The following STARD9 variants were observed in gnomAD, a reference collection of about 807,000 sequenced individuals.
STARD9 encodes stAR-related lipid transfer protein 9.
Under a neutral mutation model 399.8 loss-of-function variants are expected in STARD9, and 346 were observed. The ratio of observed to expected loss-of-function variants is 0.87; its 90% confidence interval spans 0.79 to 0.95. The LOEUF is 0.95. STARD9 is among the 40% of genes least tolerant of loss of function. STARD9 has a pLI of 0.00. For synonymous variants in STARD9, 2,203 were observed against 2,143.5 expected (o/e 1.03, Z -0.77); for missense variants, 5,832 against 5,667.5 (o/e 1.03, Z -0.93).
At chr15:42,640,298 A>G (rs1333072479) in intron 7 of STARD9, among the ~76,000 whole-genome samples, 1 of 152,204 alleles carries the variant, frequency 6.6e-6, no homozygotes, top group African/African-American at 2.4e-5. Flanking sequence ...GGGCATGGCA[A>G]ATGGATGACG....
rs372050123 is a variant in STARD9, at chr15:42,681,464, G to A, written c.1917G>A (p.Pro639=). ...EEQCDEDHQT[P]RDGETSHRAQ... is the part of the protein sequence containing the mutation. The stretch of plus-strand genomic sequence containing the variant: ...AATGTGACGAGGACCATCAGACACC[G>A]AGGGATGGAGAGACATCCCACAGGG... Residue 639 remains proline, a synonymous_variant, in exon 21 of 33, where the codon CCG becomes CCA. Coordinates refer to ENST00000290607, the MANE Select transcript of STARD9 (RefSeq NM_020759.3). 102 of 1,537,162 alleles carry A rather than the reference G, an allele frequency of 6.6e-5. No individual in the cohort carries two copies. Among genetic ancestry groups the A allele is most frequent in the Non-Finnish European group, 7.9e-5 (91 of 1,146,866 alleles).
intron 3 of STARD9, among the ~76,000 whole-genome samples, chr15:42,634,116 C>T (rs1156649413): frequency 1.3e-5 from 2 of 152,132 alleles, no homozygotes; most frequent in African/African-American, 4.8e-5. Flanking sequence ...TAAATATCCG[C>T]TGTACCAGCT....
At chr15:42,597,914 G>T (rs1006174513) in intron 3 of STARD9, among the ~76,000 whole-genome samples, 5 of 151,342 alleles carry the variant, frequency 3.3e-5, no homozygotes, top group Non-Finnish European at 5.9e-5. Context: ...CAGGTGATCT[G>T]CCTGCCTCAG....
chr15:42,632,522 G>T (rs891485006), intron 3 of STARD9, among the ~76,000 whole-genome samples: 1 of 151,834 alleles, frequency 6.6e-6, no homozygotes, highest in African/African-American at 2.4e-5. Flanking sequence ...TTTTCTTCCT[G>T]TCTTCCTGTT....
rs1332676502 is a variant in STARD9, at chr15:42,686,135, C to T, written c.4557C>T (p.Ser1519=). Reference sequence around the variant, plus strand: ...CCTACCTTGAGGAAGACTCTGGTTCCCTGGCCCAAGCTTCTAGCAAAGGAG... The same window carrying T: ...CCTACCTTGAGGAAGACTCTGGTTCTCTGGCCCAAGCTTCTAGCAAAGGAG... The part of the protein sequence containing the change: ...AYPYLEEDSG[S]LAQASSKGGD... The change falls in exon 23 of 33, where the codon TCC becomes TCT. Residue 1519 remains serine, a synonymous_variant. Coordinates refer to ENST00000290607, the MANE Select transcript of STARD9 (RefSeq NM_020759.3). 6.5e-7 allele frequency: 1 copy of T among 1,537,244 alleles called. No individual in the cohort carries two copies. The highest frequency in any genetic ancestry group is 1.2e-5 in the South Asian group (1 of 84,058).
chr15:42,698,695 A>G (rs998462698), intron 26 of STARD9, among the ~76,000 whole-genome samples: 1 of 152,232 alleles, frequency 6.6e-6, no homozygotes, highest in African/African-American at 2.4e-5. Context: ...TAATAACTAG[A>G]AACACATTCT....
At chr15:42,668,196 A>G (rs1302661417) in intron 15 of STARD9, among the ~76,000 whole-genome samples, 2 of 152,176 alleles carry the variant, frequency 1.3e-5, no homozygotes, top group East Asian at 1.9e-4. Flanking sequence ...CCACTCACCA[A>G]TGCCAGGGGT....
At chr15:42,612,986 A>AG (rs1381750670) in intron 3 of STARD9, among the ~76,000 whole-genome samples, 65 of 76,542 alleles carry the variant, frequency 8.5e-4, no homozygotes, top group Middle Eastern at 6.1e-3. Flanking sequence ...TATGTCTCAG[A>AG]GGGGAAAAAA....
Position 42,686,534 on chromosome 15 carries a change from G to T in STARD9, c.4956G>T (p.Lys1652Asn). Residue 1652 changes from lysine (K) to asparagine (N), a missense_variant, in exon 23 of 33, where the codon AAG (lysine) becomes AAT (asparagine). Lys to Asn is a moderately conservative substitution (Grantham distance 94). This residue lies in a region of STARD9 where 5,828 missense variants were observed against 5,651.1 expected (regional missense o/e 1.03). Coordinates refer to ENST00000290607, the MANE Select transcript of STARD9 (RefSeq NM_020759.3). The part of the protein sequence containing the change: ...MTSSDEDFFQ[K>N]NACHSNVTTA... ...CCTCTGATGAGGATTTTTTCCAGAAGAACGCTTGTCACAGTAATGTCACTA... is the reference window on the plus strand; with the variant it reads ...CCTCTGATGAGGATTTTTTCCAGAATAACGCTTGTCACAGTAATGTCACTA... The T allele has an allele frequency of 6.5e-7, 1 of 1,537,620 alleles. No homozygotes were observed. The highest frequency in any genetic ancestry group is 8.7e-7 in the Non-Finnish European group (1 of 1,147,040).
intron 3 of STARD9, among the ~76,000 whole-genome samples, chr15:42,611,715 C>T (rs2058853599): frequency 6.6e-6 from 1 of 152,070 alleles, no homozygotes; most frequent in African/African-American, 2.4e-5. Context: ...TTAAACTTGC[C>T]ATTGTATTAG....
chr15:42,712,368 T>C (rs956028184), intron 26 of STARD9, among the ~76,000 whole-genome samples: 3 of 151,228 alleles, frequency 2.0e-5, no homozygotes, highest in Non-Finnish European at 2.9e-5. Context: ...GTGCTTTGGT[T>C]TCATATCTAA....
At chr15:42,698,968 T>C (rs2060902294) in intron 26 of STARD9, among the ~76,000 whole-genome samples, 1 of 152,132 alleles carries the variant, frequency 6.6e-6, no homozygotes, top group Non-Finnish European at 1.5e-5. Context: ...AGTCCACCAC[T>C]ACCCTCATTG....
intron 3 of STARD9, among the ~76,000 whole-genome samples, chr15:42,601,634 C>T (rs1254274327): frequency 2.0e-5 from 3 of 151,782 alleles, no homozygotes; most frequent in Non-Finnish European, 2.9e-5. Flanking sequence ...CCCCACTTCC[C>T]GGATATATCT....
intron 20 of STARD9, among the ~76,000 whole-genome samples, chr15:42,676,688 T>C (rs2060318063): frequency 6.6e-6 from 1 of 152,310 alleles, no homozygotes; most frequent in South Asian, 2.1e-4. Flanking sequence ...GATTTGGTAC[T>C]GGGAGTCCTT....
chr15:42,686,836 G>C lies in STARD9; in HGVS notation c.5258G>C (p.Arg1753Thr), dbSNP rs1347918334. 3 of 1,536,992 alleles carry C rather than the reference G, an allele frequency of 2.0e-6. No homozygotes were observed. The highest frequency in any genetic ancestry group is 1.4e-5 in the African/African-American group (1 of 73,048). Reference sequence around the variant, plus strand: ...GAAACATTCTATGTGACCAAAAGCAGGGATGCCCTGACAGAAACTGCCTTA... The same window carrying C: ...GAAACATTCTATGTGACCAAAAGCACGGATGCCCTGACAGAAACTGCCTTA... ...LLETFYVTKS[R>T]DALTETALEI... The change falls in exon 23 of 33, where the codon AGG becomes ACG. Residue 1753 changes from arginine to threonine, a missense_variant. This residue lies in a region of STARD9 where 5,828 missense variants were observed against 5,651.1 expected (regional missense o/e 1.03). Coordinates refer to ENST00000290607, the MANE Select transcript of STARD9 (RefSeq NM_020759.3).
chr15:42,673,805 C>T (rs1873736296), intron 16 of STARD9: 2 of 409,510 alleles, frequency 4.9e-6, no homozygotes, highest in African/African-American at 4.1e-5. Context: ...GCCTTGTCTT[C>T]AACTAATCCA....
Position 42,597,738 on chromosome 15 carries a change from T to C in STARD9, c.234+12101T>C, listed in dbSNP as rs531146879. 4.8e-3 allele frequency among the ~76,000 whole-genome samples: 736 copies of C among 152,194 alleles called. 4 individuals carry two copies. Among genetic ancestry groups the C allele is most frequent in the Middle Eastern group, 0.034 (10 of 294 alleles). On this transcript the variant is annotated intron_variant, in intron 3 of 32. Transcript: ENST00000290607. Reference sequence around the variant, plus strand: ...TTTTAGTAGAGACAGAGTTTCACCATGTTGGCCAGGCTGGTCTCGAACTCC... The same window carrying C: ...TTTTAGTAGAGACAGAGTTTCACCACGTTGGCCAGGCTGGTCTCGAACTCC...
intron 1 of STARD9, among the ~76,000 whole-genome samples, chr15:42,579,352 C>T (rs1375574503): frequency 6.6e-6 from 1 of 152,200 alleles, no homozygotes. Context: ...GCAGACTCGC[C>T]TGTGAACATT....
rs2061373587 is a variant in STARD9, at chr15:42,717,599, T to G, written c.13495-132T>G. 3.7e-6 allele frequency: 3 copies of G among 802,882 alleles called. No individual in the cohort carries two copies. The South Asian group carries it at 4.5e-5, about 12-fold the overall frequency. 49.7% of individuals were successfully genotyped at this position (802,882 alleles called of 1,614,324 possible). ...GTGATTACGCCACTCCACTCCAGCC[T>G]GGGTGACAGAGCTAGACCCTGTCTC... On this transcript the variant is annotated intron_variant, in intron 28 of 32. Coordinates refer to ENST00000290607, the MANE Select transcript of STARD9 (RefSeq NM_020759.3).
Sources: gnomAD v4.1 joint callset for allele counts (sites outside exome capture counted in the v4.1 genomes callset) on GRCh38, gnomAD v4.1.1 for gene constraint, gnomAD v4.1.1 regional missense constraint, MANE v1.5 for transcripts, NCBI Gene and HGNC (gene_info 2026-07-23, HGNC 2026-07-21) for gene names.